The following PPM1H variants were observed in gnomAD, a reference collection of about 807,000 sequenced individuals.
PPM1H encodes protein phosphatase, Mg2+/Mn2+ dependent 1H, also known as protein phosphatase 1H.
PPM1H carries 27 observed loss-of-function variants against 54.9 expected under a neutral mutation model. The observed-to-expected ratio is 0.49, with a 90% CI of 0.36 to 0.68. The LOEUF is 0.68. Among genes scored for constraint, PPM1H ranks in the 30% least tolerant of loss-of-function variants. PPM1H has a pLI of 0.00. For missense variants in PPM1H, 596 were observed against 667.8 expected (o/e 0.89, Z 1.19); for synonymous variants, 305 against 270.8 (o/e 1.13, Z -1.24).
intron 1 of PPM1H, among the ~76,000 whole-genome samples, chr12:62,866,280 T>C (rs1275967065): frequency 4.0e-5 from 6 of 149,666 alleles, no homozygotes; most frequent in Admixed American, 2.0e-4. Flanking sequence ...TTTGGAGCAC[T>C]GACTTTGGTA....
At position 62,672,384 on chromosome 12, in the gene PPM1H, C is replaced by T. The variant is rs558389432; in HGVS notation, c.1246-5055G>A. 9.2e-5 allele frequency among the ~76,000 whole-genome samples: 14 copies of T among 152,316 alleles called. No homozygotes were observed. The South Asian group carries it at 1.5e-3, about 16-fold the overall frequency. On this transcript the variant is annotated intron_variant, in intron 8 of 9. Coordinates refer to ENST00000228705, the MANE Select transcript of PPM1H (RefSeq NM_020700.2). ...AAACAGCACACTGGCCCTGAAACAC[C>T]GCTGGCATCTTTGTTATCAGCCTTT...
chr12:62,813,583 G>T (rs1290061498), intron 2 of PPM1H, among the ~76,000 whole-genome samples: 2 of 152,128 alleles, frequency 1.3e-5, no homozygotes, highest in East Asian at 3.8e-4. Flanking sequence ...TAGACAACAG[G>T]TTAAAAAAAT....
At chr12:62,862,066 A>T (rs1421200231) in intron 1 of PPM1H, among the ~76,000 whole-genome samples, 1 of 152,226 alleles carries the variant, frequency 6.6e-6, no homozygotes, top group Non-Finnish European at 1.5e-5. Context: ...GCCTTCTGAG[A>T]TCTAATACAC....
chr12:62,723,664 T>C (rs7296323), intron 5 of PPM1H, among the ~76,000 whole-genome samples: 8,191 of 152,244 alleles, frequency 0.054, 341 homozygotes, highest in East Asian at 0.24. Flanking sequence ...ACCCCAGAAC[T>C]GTGATAAATT....
At chr12:62,678,739 G>A (rs1007134788) in intron 8 of PPM1H, among the ~76,000 whole-genome samples, 2 of 151,856 alleles carry the variant, frequency 1.3e-5, no homozygotes, top group Non-Finnish European at 2.9e-5. Flanking sequence ...TGCTCAGGCT[G>A]TAGTGCAATG....
In PPM1H at chr12:62,802,045, T is replaced by C. The variant is rs768529047; in HGVS notation, c.527A>G (p.Asp176Gly). Residue 176 changes from aspartate to glycine, a missense_variant, in exon 3 of 10, where the codon GAC (aspartate) becomes GGC (glycine). By Grantham distance (94) the Asp-to-Gly change is moderately conservative. Around this residue, in one of 3 missense-constraint regions of PPM1H, gnomAD observed 382 missense variants for 387.1 expected, o/e 0.99. Coordinates refer to ENST00000228705, the MANE Select transcript of PPM1H (RefSeq NM_020700.2). The stretch of plus-strand genomic sequence containing the variant: ...GGAGTTCTTCAGGATGTCCACGATG[T>C]CCTGCAGCTGCTCCGTGATGTGGTG... ...LQHHITEQLQ[D>G]IVDILKNSAV... is the part of the protein sequence containing the mutation. 5 of 1,613,278 alleles carry C rather than the reference T, an allele frequency of 3.1e-6. No individual in the cohort carries two copies. In the African/African-American group the frequency reaches 4.0e-5, roughly 13 times the overall value.
chr12:62,733,403 T>C (rs1291404299), intron 5 of PPM1H, among the ~76,000 whole-genome samples: 2 of 152,112 alleles, frequency 1.3e-5, no homozygotes, highest in Non-Finnish European at 2.9e-5. Context: ...TAGAGGCGCG[T>C]GCCACCATAC....
At chr12:62,683,075 ATTAT>A (rs1555188747) in intron 8 of PPM1H, among the ~76,000 whole-genome samples, 1 of 118,394 alleles carries the variant, frequency 8.4e-6, no homozygotes, top group Non-Finnish European at 1.8e-5. Flanking sequence ...TATTATTATT[ATTAT>A]TATTATTTTT....
rs1186783354 is a variant in PPM1H at position 62,647,984 on chromosome 12, AGGG to A, written c.*502_*504del. 2.1e-5 allele frequency: 3 copies of A among 145,722 alleles called. No homozygotes were observed. Among genetic ancestry groups the A allele is most frequent in the Non-Finnish European group, 3.0e-5 (2 of 66,398 alleles). The allele number at this position is 145,722 out of a possible 1,614,324, so 9.0% of individuals were successfully genotyped here. On this transcript the variant is annotated 3_prime_UTR_variant, in exon 10 of 10. Transcript: ENST00000228705. The stretch of plus-strand genomic sequence containing the variant: ...TAGAAACAGAGAAGAAAAAAAGAGA[AGGG>A]GGGCGGGGGGCAGACGGCAATCCCT...
intron 1 of PPM1H, among the ~76,000 whole-genome samples, chr12:62,882,399 T>G (rs1317560584): frequency 6.6e-6 from 1 of 152,258 alleles, no homozygotes; most frequent in Non-Finnish European, 1.5e-5. Context: ...CCCAGGGCAC[T>G]GACCTTTCGA....
chr12:62,777,564 G>A (rs542236409), intron 4 of PPM1H, among the ~76,000 whole-genome samples: 2 of 152,280 alleles, frequency 1.3e-5, no homozygotes, highest in East Asian at 3.9e-4. Flanking sequence ...TATGCAAACC[G>A]AGGATGGATT....
At chr12:62,788,484 T>A (rs1262105614) in intron 3 of PPM1H, 146 bp from the exon 4 acceptor site, 1 of 582,644 alleles carries the variant, frequency 1.7e-6, no homozygotes, top group Non-Finnish European at 3.1e-6. Context: ...TCCTACCACC[T>A]GATGAGCATT....
chr12:62,838,338 T>TGG (rs369140482), intron 1 of PPM1H, among the ~76,000 whole-genome samples: 45 of 93,318 alleles, frequency 4.8e-4, no homozygotes, highest in Non-Finnish European at 5.6e-4. Flanking sequence ...TGTGTGTGTG[T>TGG]GGGGGGGGGG....
chr12:62,765,036 C>T (rs111906406), intron 4 of PPM1H, among the ~76,000 whole-genome samples: 55 of 152,272 alleles, frequency 3.6e-4, no homozygotes, highest in African/African-American at 1.3e-3. Context: ...TTCAGATGAG[C>T]TCAGTAGTCA....
chr12:62,918,563 AAAT>A (rs139715897), intron 1 of PPM1H, among the ~76,000 whole-genome samples: 1,546 of 152,300 alleles, frequency 0.01, 30 homozygotes, highest in African/African-American at 0.035. Flanking sequence ...TCTAACTATT[AAAT>A]AATGTCACAA....
chr12:62,911,393 TGTTA>T (rs776199702), intron 1 of PPM1H, among the ~76,000 whole-genome samples: 10 of 150,706 alleles, frequency 6.6e-5, no homozygotes, highest in Non-Finnish European at 1.5e-4. Context: ...AGCTCAAAAC[TGTTA>T]GTTTTTCTTG....
At chr12:62,669,696 C>T (rs1265663471) in intron 8 of PPM1H, among the ~76,000 whole-genome samples, 2 of 152,008 alleles carry the variant, frequency 1.3e-5, no homozygotes, top group African/African-American at 2.4e-5. Context: ...TAATAGGAGG[C>T]CAAGGCAGGG....
At chr12:62,818,381 G>A (rs1009101145) in intron 2 of PPM1H, among the ~76,000 whole-genome samples, 1 of 152,114 alleles carries the variant, frequency 6.6e-6, no homozygotes, top group South Asian at 2.1e-4. Context: ...AACCTTCCAA[G>A]TCAAAGGAAA....
intron 8 of PPM1H, among the ~76,000 whole-genome samples, chr12:62,686,900 C>A (rs948236193): frequency 6.6e-6 from 1 of 152,244 alleles, no homozygotes; most frequent in Non-Finnish European, 1.5e-5. Flanking sequence ...CTCCCTGGCT[C>A]ACAGCTCCGC....
Sources: allele counts gnomAD v4.1 joint callset (sites outside exome capture counted in the v4.1 genomes callset), GRCh38; gene constraint gnomAD v4.1.1; regional missense constraint gnomAD v4.1.1; transcripts MANE v1.5; gene names NCBI Gene and HGNC (gene_info 2026-07-23, HGNC 2026-07-21).